The following DIS3L2 variants were observed in gnomAD, a reference collection of about 807,000 sequenced individuals.
The protein encoded by DIS3L2 is DIS3-like exonuclease 2.
In DIS3L2, 34 loss-of-function variants were observed where a neutral mutation model predicts 97.5. That is an observed-to-expected ratio of 0.35 (90% CI 0.27 to 0.46). The LOEUF is 0.46. Among genes scored for constraint, DIS3L2 ranks in the 20% least tolerant of loss-of-function variants. The pLI is 1.00. For synonymous variants in DIS3L2, 435 were observed against 445.2 expected (o/e 0.98, Z 0.29); for missense variants, 1,038 against 1,146.0 (o/e 0.91, Z 1.36).
rs190367152 is a variant in DIS3L2 at position 232,203,623 on chromosome 2, A to G, written c.1125-6703A>G. 1.5e-3 allele frequency among the ~76,000 whole-genome samples: 235 copies of G among 152,282 alleles called. 1 individual carries two copies. Among genetic ancestry groups the G allele is most frequent in the Non-Finnish European group, 2.6e-3 (180 of 68,012 alleles). On this transcript the variant is annotated intron_variant, in intron 9 of 20. Transcript: ENST00000325385. ...CTGGAAGGGATATAAAGACAGTCCAATCTCATTACCAGACCTGATACTGGC... is the reference window on the plus strand; with the variant it reads ...CTGGAAGGGATATAAAGACAGTCCAGTCTCATTACCAGACCTGATACTGGC...
At chr2:232,029,740 G>T (rs955870520) in intron 4 of DIS3L2, among the ~76,000 whole-genome samples, 1 of 151,894 alleles carries the variant, frequency 6.6e-6, no homozygotes, top group Non-Finnish European at 1.5e-5. Context: ...TTGTTTTCTT[G>T]GGGGAGATTA....
chr2:232,202,415 A>C (rs1193852557), intron 9 of DIS3L2, among the ~76,000 whole-genome samples: 6 of 152,236 alleles, frequency 3.9e-5, no homozygotes, highest in Non-Finnish European at 8.8e-5. Flanking sequence ...ACAAACAGAA[A>C]AAAAACATAG....
intron 15 of DIS3L2, among the ~76,000 whole-genome samples, 186 bp downstream of exon 15, chr2:232,330,182 G>A (rs1369011779): frequency 6.6e-6 from 1 of 152,322 alleles, no homozygotes; most frequent in South Asian, 2.1e-4. Flanking sequence ...CTGACAGTGG[G>A]ACCTGCCCCT....
At chr2:232,158,306 CGTGTGTGTGT>C (rs111880090) in intron 8 of DIS3L2, among the ~76,000 whole-genome samples, 5 of 150,492 alleles carry the variant, frequency 3.3e-5, no homozygotes, top group African/African-American at 7.3e-5. Flanking sequence ...TCCTTTATAT[CGTGTGTGTGT>C]GTGTGTGTGT....
chr2:231,962,086 A>G (rs1692574094), intron 1 of DIS3L2, among the ~76,000 whole-genome samples: 1 of 152,006 alleles, frequency 6.6e-6, no homozygotes, highest in Non-Finnish European at 1.5e-5. Context: ...CTGTTGCTGT[A>G]GAGAGGACGC....
chr2:232,147,888 G>T (rs867236344), intron 8 of DIS3L2, among the ~76,000 whole-genome samples: 2 of 152,040 alleles, frequency 1.3e-5, no homozygotes, highest in Non-Finnish European at 2.9e-5. Flanking sequence ...GGTGACAGAA[G>T]AGTTCATGAC....
At chr2:232,092,206 GATGTATGGATGT>G (rs1029682556) in intron 6 of DIS3L2, among the ~76,000 whole-genome samples, 7 of 152,030 alleles carry the variant, frequency 4.6e-5, no homozygotes, top group African/African-American at 1.2e-4. Context: ...GTTCACTGTG[GATGTATGGATGT>G]ATGTATGGAT....
At chr2:232,088,138 C>T (rs1441564073) in intron 6 of DIS3L2, among the ~76,000 whole-genome samples, 3 of 152,182 alleles carry the variant, frequency 2.0e-5, no homozygotes, top group East Asian at 3.8e-4. Context: ...CAGTGGCTCA[C>T]GCCTGTAATC....
At chr2:232,166,335 C>T (rs1347150089) in intron 9 of DIS3L2, among the ~76,000 whole-genome samples, 1 of 151,990 alleles carries the variant, frequency 6.6e-6, no homozygotes, top group Non-Finnish European at 1.5e-5. Context: ...ACCACACACA[C>T]ACACGCGTGC....
intron 6 of DIS3L2, among the ~76,000 whole-genome samples, chr2:232,091,856 A>G (rs1205501223): frequency 1.3e-5 from 2 of 152,186 alleles, no homozygotes; most frequent in Non-Finnish European, 2.9e-5. Context: ...CCAGGATGAG[A>G]TGATATCTCA....
Position 232,334,378 on chromosome 2 carries a change from A to C in DIS3L2, c.2168A>C (p.Glu723Ala). The change falls in exon 18 of 21, where the codon GAG becomes GCG. Residue 723 changes from glutamate to alanine, a missense_variant. By Grantham distance (107) the Glu-to-Ala change is moderately radical. Transcript: ENST00000325385. ...CACCCCCTCTTCCCAGGCTATAGGG[A>C]GCGACTAGACATGGCGCCCGATACC... Reference protein sequence around the residue: ...RLLAAALGYRERLDMAPDTLQ... With the variant: ...RLLAAALGYRARLDMAPDTLQ... 1.9e-6 allele frequency: 3 copies of C among 1,613,150 alleles called. No individual in the cohort carries two copies. The highest frequency in any genetic ancestry group is 2.5e-6 in the Non-Finnish European group (3 of 1,179,866).
At chr2:232,211,981 C>T (rs1692203599) in intron 10 of DIS3L2, among the ~76,000 whole-genome samples, 1 of 151,998 alleles carries the variant, frequency 6.6e-6, no homozygotes, top group Non-Finnish European at 1.5e-5. Context: ...TCCCAAAGCA[C>T]GAGCCACTAT....
intron 12 of DIS3L2, among the ~76,000 whole-genome samples, chr2:232,250,403 A>C (rs1693385258): frequency 6.6e-6 from 1 of 152,098 alleles, no homozygotes; most frequent in African/African-American, 2.4e-5. Context: ...ACAGCAACAA[A>C]ATTTTGGAAT....
At chr2:232,039,736 A>T (rs1695057814) in intron 5 of DIS3L2, among the ~76,000 whole-genome samples, 1 of 152,200 alleles carries the variant, frequency 6.6e-6, no homozygotes, top group African/African-American at 2.4e-5. Context: ...TTGGAATATT[A>T]AGGTACTGTG....
At chr2:232,303,339 T>C (rs1406964988) in intron 14 of DIS3L2, among the ~76,000 whole-genome samples, 1 of 151,908 alleles carries the variant, frequency 6.6e-6, no homozygotes, top group African/African-American at 2.4e-5. Flanking sequence ...AATCCAAATA[T>C]TGGCATAATA....
At chr2:232,156,130 A>T (rs548646360) in intron 8 of DIS3L2, among the ~76,000 whole-genome samples, 75 of 151,888 alleles carry the variant, frequency 4.9e-4, no homozygotes, top group African/African-American at 1.5e-3. Flanking sequence ...ATCTTTTTAA[A>T]CTCTACTTGC....
At chr2:232,019,449 G>GAGGC (rs1451624755) in intron 3 of DIS3L2, among the ~76,000 whole-genome samples, 1 of 152,132 alleles carries the variant, frequency 6.6e-6, no homozygotes, top group Non-Finnish European at 1.5e-5. Context: ...TGGGAAGGCT[G>GAGGC]AGGCAGGAGG....
chr2:232,165,844 TAACTTGTATAA>T (rs1690789563), intron 9 of DIS3L2, among the ~76,000 whole-genome samples: 1 of 152,122 alleles, frequency 6.6e-6, no homozygotes, highest in Non-Finnish European at 1.5e-5. Flanking sequence ...TTTTTTAAAG[TAACTTGTATAA>T]CTTTAAAAAA....
At chr2:232,280,824 A>G (rs1179280216) in intron 13 of DIS3L2, among the ~76,000 whole-genome samples, 1 of 152,244 alleles carries the variant, frequency 6.6e-6, no homozygotes, top group African/African-American at 2.4e-5. Context: ...GAGATAAAAC[A>G]CAGCTCTGTC....
Sources: allele counts gnomAD v4.1 joint callset (sites outside exome capture counted in the v4.1 genomes callset), GRCh38; gene constraint gnomAD v4.1.1; transcripts MANE v1.5; gene names NCBI Gene and HGNC (gene_info 2026-07-23, HGNC 2026-07-21).